Variants in UBE2E2 observed in about 807,000 individuals in gnomAD.
UBE2E2 encodes the protein ubiquitin-conjugating enzyme E2 E2.
A neutral mutation model predicts 24.7 loss-of-function variants in UBE2E2; 6 were observed. The ratio of observed to expected loss-of-function variants is 0.24; its 90% CI spans 0.13 to 0.48. The LOEUF (loss-of-function observed/expected upper bound fraction) is 0.48, where lower values mean the gene tolerates loss of function less well. Among genes scored for constraint, UBE2E2 ranks in the 20% least tolerant of loss-of-function variants. The pLI, the probability that UBE2E2 is intolerant of heterozygous loss-of-function variation, is 0.99. For missense variants in UBE2E2, 169 were observed against 245.0 expected, an observed-to-expected ratio of 0.69 and a Z score of 2.07; for synonymous variants, 104 against 83.6, an observed-to-expected ratio of 1.24 and a Z score of -1.33.
At chr3:23,228,895 G>A (rs1655502786) in intron 3 of UBE2E2, among the ~76,000 whole-genome samples, 1 of 152,316 alleles carries the variant, frequency 6.6e-6, no homozygotes, top group Non-Finnish European at 1.5e-5. Context: ...CTATTTGGAA[G>A]ATGAGGCCTA....
chr3:23,511,626 T>C (rs1456468263), intron 4 of UBE2E2, among the ~76,000 whole-genome samples: 5 of 152,302 alleles, frequency 3.3e-5, no homozygotes, highest in Admixed American at 2.0e-4. Context: ...AACTGAATTT[T>C]TGAACCTATG....
chr3:23,241,801 A>T (rs1697266508), intron 3 of UBE2E2, among the ~76,000 whole-genome samples: 1 of 152,240 alleles, frequency 6.6e-6, no homozygotes. Flanking sequence ...GTAAATGTTC[A>T]ATAAATTGCA....
chr3:23,376,374 A>AT (rs1388405613), intron 3 of UBE2E2, among the ~76,000 whole-genome samples: 7 of 152,146 alleles, frequency 4.6e-5, no homozygotes, highest in African/African-American at 1.7e-4. Flanking sequence ...TACAAAGAGA[A>AT]TTTTTTCCTT....
chr3:23,450,323 A>AT (rs1698535933), intron 3 of UBE2E2, among the ~76,000 whole-genome samples: 1 of 152,208 alleles, frequency 6.6e-6, no homozygotes, highest in Non-Finnish European at 1.5e-5. Context: ...CACTAACCTC[A>AT]TGTGGCTACT....
intron 2 of UBE2E2, among the ~76,000 whole-genome samples, chr3:23,212,316 A>G (rs1696349362): frequency 6.6e-6 from 1 of 152,166 alleles, no homozygotes; most frequent in Admixed American, 6.5e-5. Context: ...TCATGCTCTT[A>G]TCACAGCCTG....
chr3:23,229,610 G>C (rs1297588599), intron 3 of UBE2E2, among the ~76,000 whole-genome samples: 3 of 152,130 alleles, frequency 2.0e-5, no homozygotes, highest in African/African-American at 7.2e-5. Flanking sequence ...GGCAGAACTA[G>C]GATTTCAACC....
chr3:23,380,943 A>T (rs777032184), intron 3 of UBE2E2, among the ~76,000 whole-genome samples: 2 of 152,156 alleles, frequency 1.3e-5, no homozygotes, highest in African/African-American at 4.8e-5. Flanking sequence ...TAATTTGGGA[A>T]CCGTTTGAGT....
intron 2 of UBE2E2, among the ~76,000 whole-genome samples, chr3:23,212,789 G>A (rs1696365469): frequency 6.6e-6 from 1 of 151,916 alleles, no homozygotes; most frequent in African/African-American, 2.4e-5. Flanking sequence ...ACTTTTTAAT[G>A]TTTCTGAAAT....
intron 4 of UBE2E2, among the ~76,000 whole-genome samples, chr3:23,526,308 G>A (rs1410272627): frequency 1.3e-5 from 2 of 152,128 alleles, no homozygotes; most frequent in Admixed American, 1.3e-4. Context: ...AGGAACATGG[G>A]ACAGAAAAAT....
chr3:23,434,305 T>C (rs564673506), intron 3 of UBE2E2, among the ~76,000 whole-genome samples: 13 of 152,156 alleles, frequency 8.5e-5, no homozygotes, highest in Non-Finnish European at 1.5e-4. Context: ...AATTGCTTAC[T>C]AACATAACCT....
chr3:23,393,042 C>T (rs1300529496), intron 3 of UBE2E2, among the ~76,000 whole-genome samples: 1 of 152,072 alleles, frequency 6.6e-6, no homozygotes, highest in African/African-American at 2.4e-5. Flanking sequence ...GGAAGATTAT[C>T]ATAAAAGCAA....
chr3:23,572,974 C>A (rs898025110), intron 5 of UBE2E2, among the ~76,000 whole-genome samples: 4 of 151,980 alleles, frequency 2.6e-5, no homozygotes, highest in African/African-American at 7.3e-5. Flanking sequence ...GAGTCCTATA[C>A]CCTGGGGTGA....
At chr3:23,375,309 T>C (rs560629920) in intron 3 of UBE2E2, among the ~76,000 whole-genome samples, 1 of 152,314 alleles carries the variant, frequency 6.6e-6, no homozygotes, top group South Asian at 2.1e-4. Context: ...TCACAAGAGA[T>C]TGATTTATAA....
chr3:23,480,399 A>C (rs980430772), intron 3 of UBE2E2, among the ~76,000 whole-genome samples: 5 of 152,206 alleles, frequency 3.3e-5, no homozygotes, highest in African/African-American at 4.8e-5. Flanking sequence ...CCAAGAGTGC[A>C]GGGATGCCTT....
At chr3:23,427,091 AT>A (rs1242251816) in intron 3 of UBE2E2, among the ~76,000 whole-genome samples, 1 of 151,996 alleles carries the variant, frequency 6.6e-6, no homozygotes, top group Non-Finnish European at 1.5e-5. Context: ...TTTTAAAGGT[AT>A]TTTGCAAACC....
At chr3:23,383,468 TC>T (rs869068302) in intron 3 of UBE2E2, among the ~76,000 whole-genome samples, 4 of 124,354 alleles carry the variant, frequency 3.2e-5, no homozygotes, top group African/African-American at 8.4e-5. Context: ...GAGCATTTTA[TC>T]CCCCTTTTTT....
chr3:23,383,521 C>A (rs1575597484), intron 3 of UBE2E2, among the ~76,000 whole-genome samples: 1 of 151,872 alleles, frequency 6.6e-6, no homozygotes, highest in Non-Finnish European at 1.5e-5. Flanking sequence ...GCACTGCATA[C>A]CTTTTTCAAT....
chr3:23,368,345 C>T (rs1406481556), intron 3 of UBE2E2, among the ~76,000 whole-genome samples: 1 of 152,096 alleles, frequency 6.6e-6, no homozygotes, highest in East Asian at 1.9e-4. Flanking sequence ...AATAATCCTT[C>T]CCACAACCTC....
intron 5 of UBE2E2, among the ~76,000 whole-genome samples, chr3:23,579,700 T>C (rs1696432346): frequency 6.6e-6 from 1 of 151,886 alleles, no homozygotes. Context: ...ACCCTGTCTC[T>C]TAAAAAAAAA....
Sources: allele counts gnomAD v4.1 joint callset (sites outside exome capture counted in the v4.1 genomes callset), GRCh38; gene constraint gnomAD v4.1.1; transcripts MANE v1.5; gene names NCBI Gene and HGNC (gene_info 2026-07-23, HGNC 2026-07-21).